ITGAL: variants seen among roughly 807,000 people sequenced by gnomAD.
The protein encoded by ITGAL is integrin subunit alpha L.
In ITGAL, 68 loss-of-function variants were observed where a neutral mutation model predicts 138.4. That is an observed-to-expected ratio of 0.49 (90% CI 0.40 to 0.60). ITGAL has a LOEUF of 0.60. ITGAL is among the 20% of genes least tolerant of loss of function. The pLI is 0.00. For missense variants in ITGAL, 1,256 were observed against 1,478.6 expected (o/e 0.85, Z 2.47); for synonymous variants, 561 against 584.3 (o/e 0.96, Z 0.57).
intron 30 of ITGAL, among the ~76,000 whole-genome samples, chr16:30,520,249 C>A (rs2051233194): frequency 6.6e-6 from 1 of 152,146 alleles, no homozygotes; most frequent in Non-Finnish European, 1.5e-5. Flanking sequence ...GCCTGGGCAA[C>A]ATGGAAAGCA....
intron 9 of ITGAL, among the ~76,000 whole-genome samples, chr16:30,486,924 T>C (rs1024083106): frequency 6.6e-6 from 1 of 150,430 alleles, no homozygotes; most frequent in East Asian, 2.0e-4. Context: ...ACCTCCTGAG[T>C]AGCTGGGACT....
At position 30,499,402 on chromosome 16, in the gene ITGAL, G is replaced by C. The variant is rs202158937; in HGVS notation, c.2058G>C (p.Gly686=). 6.2e-7 allele frequency: 1 copy of C among 1,614,104 alleles called. No homozygotes were observed. Among genetic ancestry groups the C allele is most frequent in the Non-Finnish European group, 8.5e-7 (1 of 1,180,024 alleles). Residue 686 remains glycine (G), a synonymous_variant, in exon 17 of 31, where the codon GGG becomes GGC. Coordinates refer to ENST00000356798, the MANE Select transcript of ITGAL (RefSeq NM_002209.3). ...QLDGHRTRRR[G]LFPGGRHELR... is the part of the protein sequence containing the mutation. ...ATGGCCACCGGACCAGAAGACGGGGGTTGTTCCCAGGAGGGAGACATGAAC... is the reference window on the plus strand; with the variant it reads ...ATGGCCACCGGACCAGAAGACGGGGCTTGTTCCCAGGAGGGAGACATGAAC...
chr16:30,475,205 G>T (rs1443596258), intron 2 of ITGAL, 101 bp from the exon 3 acceptor site: 6 of 873,106 alleles, frequency 6.9e-6, no homozygotes, highest in Non-Finnish European at 9.2e-6. Context: ...TGGCTGCAGT[G>T]CTTGGAGAAA....
At chr16:30,493,714 A>C (rs1379044017) in intron 11 of ITGAL, among the ~76,000 whole-genome samples, 30 of 152,004 alleles carry the variant, frequency 2.0e-4, no homozygotes, top group Admixed American at 1.7e-3. Flanking sequence ...ACATGGCAAA[A>C]CCCTGTTTCT....
Position 30,472,849 on chromosome 16 carries a change from C to A in ITGAL, c.12C>A (p.Ser4=). MKD[S]CITVMAMALL... is the part of the protein sequence containing the mutation. ...CGAGTGCTGGAAGGATGAAGGATTC[C>A]TGCATCACTGTGATGGCCATGGCGC... The change falls in exon 1 of 31, where the codon TCC becomes TCA. Residue 4 remains serine (S), a synonymous_variant. Transcript: ENST00000356798. The A allele has an allele frequency of 1.2e-6, 2 of 1,612,898 alleles. No homozygotes were observed. The highest frequency in any genetic ancestry group is 1.7e-6 in the Non-Finnish European group (2 of 1,179,806).
intron 25 of ITGAL, 45 bp downstream of exon 25, chr16:30,513,891 T>A: frequency 7.0e-7 from 1 of 1,419,578 alleles, no homozygotes; most frequent in Admixed American, 1.7e-5. Flanking sequence ...ACACATTCAT[T>A]CTTTATCCCG....
rs573022300 is a variant in ITGAL at position 30,505,261 on chromosome 16, G to A, written c.2253G>A (p.Pro751=). Residue 751 remains proline (P), a synonymous_variant, in exon 19 of 31, where the codon CCG becomes CCA. Coordinates refer to ENST00000356798, the MANE Select transcript of ITGAL (RefSeq NM_002209.3). ...TCGCTCAGCAGGGCAAGGACATACC[G>A]CCCATCCTGAGACCCTCCCTGCACT... ...RDQRAQGKDI[P]PILRPSLHSE... 8.7e-6 allele frequency: 14 copies of A among 1,610,222 alleles called. 1 individual carries two copies. Among genetic ancestry groups the A allele is most frequent in the South Asian group, 6.6e-5 (6 of 90,874 alleles).
rs755735657 is a variant in ITGAL, at chr16:30,516,935, G to A, written c.2863-38G>A. 103 of 1,434,810 alleles carry A rather than the reference G, an allele frequency of 7.2e-5. 1 individual carries two copies. The highest frequency in any genetic ancestry group is 4.5e-4 in the Admixed American group (27 of 59,694). The allele number at this position is 1,434,810 out of a possible 1,614,324, so 88.9% of individuals were successfully genotyped here. On this transcript the variant is annotated intron_variant, in intron 25 of 30. Transcript: ENST00000356798. ...GGTCTGGGGGGCAGCTGGGGTGGCT[G>A]GCATTCAGGGCTCTGCATCCCTTGT...
intron 11 of ITGAL, among the ~76,000 whole-genome samples, chr16:30,490,394 C>G (rs1219726328): frequency 6.6e-6 from 1 of 152,108 alleles, no homozygotes; most frequent in Non-Finnish European, 1.5e-5. Flanking sequence ...CGCTATAGCC[C>G]AGAGCCAGCC....
In ITGAL at chr16:30,500,061, T is replaced by G. The variant is rs546189900; in HGVS notation, c.2145+572T>G. Reference sequence around the variant, plus strand: ...ATCGCTCCTGGCCTATTTTATATTATTTATTTATTTATTTATTTATTTATT... The same window carrying G: ...ATCGCTCCTGGCCTATTTTATATTAGTTATTTATTTATTTATTTATTTATT... On this transcript the variant is annotated intron_variant, in intron 17 of 30. Transcript: ENST00000356798. Among the ~76,000 whole-genome samples the G allele has an allele frequency of 1.2e-4, 5 of 41,498 alleles. No individual in the cohort carries two copies. The East Asian group carries it at 2.1e-3, about 17-fold the overall frequency. 27.2% of individuals were successfully genotyped at this position (41,498 alleles called of 152,430 possible).
intron 4 of ITGAL, among the ~76,000 whole-genome samples, chr16:30,476,699 C>A (rs974786468): frequency 1.3e-5 from 2 of 148,936 alleles, no homozygotes; most frequent in African/African-American, 5.0e-5. Context: ...GTGGCATGAT[C>A]TCAGTTCACT....
At chr16:30,521,438 G>T in intron 30 of ITGAL, 54 bp from the exon 31 acceptor site, 4 of 1,514,074 alleles carry the variant, frequency 2.6e-6, no homozygotes, top group Non-Finnish European at 3.6e-6. Context: ...ACATTTTCTT[G>T]GGGCCAAAGT....
Position 30,521,529 on chromosome 16 carries a change from A to T in ITGAL, c.3377A>T (p.Glu1126Val). 1.2e-6 allele frequency: 2 copies of T among 1,614,188 alleles called. No homozygotes were observed. The highest frequency in any genetic ancestry group is 1.7e-6 in the Non-Finnish European group (2 of 1,180,024). The change falls in exon 31 of 31, where the codon GAG becomes GTG. Residue 1126 changes from glutamate to valine, a missense_variant. Coordinates refer to ENST00000356798, the MANE Select transcript of ITGAL (RefSeq NM_002209.3). ...FFKRNLKEKM[E>V]AGRGVPNGIP... Reference sequence around the variant, plus strand: ...AAACGGAACCTGAAGGAGAAGATGGAGGCTGGCAGAGGTGTCCCGAATGGA... The same window carrying T: ...AAACGGAACCTGAAGGAGAAGATGGTGGCTGGCAGAGGTGTCCCGAATGGA...
chr16:30,517,434 G>A (rs543348079), intron 26 of ITGAL, among the ~76,000 whole-genome samples: 14 of 152,148 alleles, frequency 9.2e-5, no homozygotes, highest in East Asian at 5.8e-4. Flanking sequence ...CTCCAGCCTC[G>A]GTGACAGAAC....
chr16:30,499,520 G>T (rs768141600), intron 17 of ITGAL, 31 bp downstream of exon 17: 3 of 1,608,058 alleles, frequency 1.9e-6, no homozygotes, highest in South Asian at 1.1e-5. Flanking sequence ...GCTCTGGGAT[G>T]AGCTACCTGC....
intron 25 of ITGAL, among the ~76,000 whole-genome samples, chr16:30,515,508 C>G (rs2151205736): frequency 6.6e-6 from 1 of 152,350 alleles, no homozygotes; most frequent in East Asian, 1.9e-4. Flanking sequence ...CAACTCCTCA[C>G]TCTCAAGCCT....
intron 21 of ITGAL, among the ~76,000 whole-genome samples, chr16:30,508,846 G>C (rs1398562093): frequency 1.3e-5 from 2 of 151,840 alleles, no homozygotes; most frequent in Non-Finnish European, 2.9e-5. Context: ...GCGACAGAGC[G>C]AGACCTTGTC....
At chr16:30,484,080 G>A (rs2151147293) in intron 8 of ITGAL, 33 bp from the exon 9 acceptor site, 1 of 1,604,950 alleles carries the variant, frequency 6.2e-7, no homozygotes, top group Non-Finnish European at 8.5e-7. Flanking sequence ...AGGTTTGGGG[G>A]ATTTCAGCTC....
chr16:30,489,389 G>A lies in ITGAL; in HGVS notation c.1213+3G>A. ...AGAAGTGAGAGCAGGCTATTTGGGT[G>A]AGTACTTCTCTTTTCTGCTGGGATC... On this transcript the variant is annotated splice_donor_region_variant and intron_variant, in intron 11 of 30. Transcript: ENST00000356798. 1 of 1,614,064 alleles carries A rather than the reference G, an allele frequency of 6.2e-7. No homozygotes were observed. The highest frequency in any genetic ancestry group is 2.2e-5 in the East Asian group (1 of 44,886).
Sources: allele counts gnomAD v4.1 joint callset (sites outside exome capture counted in the v4.1 genomes callset), GRCh38; gene constraint gnomAD v4.1.1; transcripts MANE v1.5; gene names NCBI Gene and HGNC (gene_info 2026-07-23, HGNC 2026-07-21).